KHDRBS2: variants seen among roughly 807,000 people sequenced by gnomAD.
The protein encoded by KHDRBS2 is KH domain-containing, RNA-binding, signal transduction-associated protein 2.
KHDRBS2 carries 26 observed loss-of-function variants against 44.3 expected under a neutral mutation model. The observed-to-expected ratio is 0.59, with a 90% CI of 0.43 to 0.81. The LOEUF (loss-of-function observed/expected upper bound fraction) is 0.81. KHDRBS2 is among the 40% of genes least tolerant of loss of function. The probability of loss-of-function intolerance (pLI) is 0.00; values close to 1 mark genes in which losing one functional copy is unlikely to be tolerated. For synonymous variants in KHDRBS2, 194 were observed against 151.1 expected, an observed-to-expected ratio of 1.28 and a Z score of -2.08; for missense variants, 476 against 433.1, an observed-to-expected ratio of 1.10 and a Z score of -0.88.
At chr6:61,771,559 T>G (rs1780912757) in intron 6 of KHDRBS2, among the ~76,000 whole-genome samples, 1 of 152,054 alleles carries the variant, frequency 6.6e-6, no homozygotes, top group African/African-American at 2.4e-5. Context: ...AAAACAGACT[T>G]TAAACCACCA....
intron 1 of KHDRBS2, among the ~76,000 whole-genome samples, chr6:62,275,165 TC>T (rs1378570120): frequency 3.3e-5 from 5 of 152,180 alleles, no homozygotes; most frequent in Non-Finnish European, 7.3e-5. Context: ...TAACAGATTT[TC>T]CCTATGTAGA....
chr6:61,985,951 T>C (rs983966871), intron 3 of KHDRBS2, among the ~76,000 whole-genome samples: 4 of 152,196 alleles, frequency 2.6e-5, no homozygotes, highest in African/African-American at 9.6e-5. Context: ...TATGTACATA[T>C]GTAATTTAAT....
chr6:61,566,531 C>G, the KHDRBS2 span, among the ~76,000 whole-genome samples: 1 of 152,084 alleles, frequency 6.6e-6, no homozygotes, highest in South Asian at 2.1e-4. Flanking sequence ...ATTATGTAAT[C>G]ATGATGTAAT....
At chr6:62,077,641 C>A (rs1427610732) in intron 2 of KHDRBS2, among the ~76,000 whole-genome samples, 3 of 151,966 alleles carry the variant, frequency 2.0e-5, no homozygotes, top group Non-Finnish European at 4.4e-5. Context: ...GGTGCCACCC[C>A]TTGGAGAAAA....
chr6:61,645,324 T>C, the KHDRBS2 span, among the ~76,000 whole-genome samples: 13 of 150,418 alleles, frequency 8.6e-5, no homozygotes, highest in South Asian at 2.7e-3. Flanking sequence ...AGGGTGGGGG[T>C]TGGGAGAAGG....
intron 4 of KHDRBS2, 58 bp from the exon 5 acceptor site, chr6:61,901,429 G>GAA (rs202202725): frequency 2.4e-3 from 2,357 of 985,246 alleles, no homozygotes; most frequent in South Asian, 6.5e-3. Flanking sequence ...CTCAGAGTTG[G>GAA]AAAAAAAAAA....
At chr6:62,053,294 A>G (rs1348159599) in intron 2 of KHDRBS2, among the ~76,000 whole-genome samples, 1 of 151,986 alleles carries the variant, frequency 6.6e-6, no homozygotes, top group Non-Finnish European at 1.5e-5. Flanking sequence ...GCAGGAGAAT[A>G]TAACCTTCAT....
chr6:61,675,369 T>C (rs528985238), downstream of KHDRBS2, among the ~76,000 whole-genome samples: 27 of 151,870 alleles, frequency 1.8e-4, no homozygotes, highest in African/African-American at 6.0e-4. Context: ...GCTTCAACTG[T>C]TATTAAGCTA....
intron 4 of KHDRBS2, among the ~76,000 whole-genome samples, chr6:61,951,715 T>C (rs1354711838): frequency 1.3e-5 from 2 of 152,100 alleles, no homozygotes; most frequent in East Asian, 3.9e-4. Flanking sequence ...GAGCCACTGA[T>C]CTTGGGTTAG....
chr6:62,152,038 G>A (rs1008069239), intron 2 of KHDRBS2, among the ~76,000 whole-genome samples: 1 of 152,094 alleles, frequency 6.6e-6, no homozygotes, highest in Admixed American at 6.6e-5. Context: ...AGTGCTTACT[G>A]GCTGGGCACA....
At chr6:62,045,421 T>C (rs1787463260) in intron 3 of KHDRBS2, among the ~76,000 whole-genome samples, 5 of 152,072 alleles carry the variant, frequency 3.3e-5, no homozygotes, top group Admixed American at 3.3e-4. Flanking sequence ...TTCTTTCTAC[T>C]TGATCACTGT....
At chr6:61,685,289 T>A (rs1198010780) in intron 8 of KHDRBS2, among the ~76,000 whole-genome samples, 1 of 151,838 alleles carries the variant, frequency 6.6e-6, no homozygotes, top group Admixed American at 6.6e-5. Context: ...TTATTTTGTA[T>A]TATCTGGCCT....
intron 2 of KHDRBS2, among the ~76,000 whole-genome samples, chr6:62,117,787 T>C (rs1261047554): frequency 6.6e-6 from 1 of 152,160 alleles, no homozygotes. Context: ...TATTTTATTT[T>C]TTTTTTGAGA....
At chr6:62,015,902 C>T (rs1781122255) in intron 3 of KHDRBS2, among the ~76,000 whole-genome samples, 1 of 152,112 alleles carries the variant, frequency 6.6e-6, no homozygotes, top group Non-Finnish European at 1.5e-5. Context: ...CCTTCCTGCT[C>T]TGATAATTTC....
the KHDRBS2 span, among the ~76,000 whole-genome samples, chr6:61,615,810 T>C: frequency 1.3e-5 from 2 of 152,184 alleles, no homozygotes; most frequent in East Asian, 1.9e-4. Flanking sequence ...AAAACACTTC[T>C]AGGCCAAGCA....
At chr6:62,093,757 T>A (rs1465265895) in intron 2 of KHDRBS2, among the ~76,000 whole-genome samples, 2 of 151,798 alleles carry the variant, frequency 1.3e-5, no homozygotes, top group Non-Finnish European at 1.5e-5. Flanking sequence ...CTTTCTGTGC[T>A]TGCCTTATTT....
At chr6:61,744,258 A>G (rs921447238) in intron 6 of KHDRBS2, among the ~76,000 whole-genome samples, 3 of 152,076 alleles carry the variant, frequency 2.0e-5, no homozygotes, top group Non-Finnish European at 2.9e-5. Context: ...AGGCCTTCAT[A>G]TTGGCTTGCC....
chr6:61,573,967 G>A, the KHDRBS2 span, among the ~76,000 whole-genome samples: 2 of 151,692 alleles, frequency 1.3e-5, no homozygotes, highest in Admixed American at 1.3e-4. Context: ...CAATAGAGAA[G>A]CCAGAAATGA....
chr6:62,025,578 T>G (rs1783153702), intron 3 of KHDRBS2, among the ~76,000 whole-genome samples: 1 of 151,962 alleles, frequency 6.6e-6, no homozygotes, highest in Non-Finnish European at 1.5e-5. Context: ...CACATAATAA[T>G]TTACAATAAT....
Sources: allele counts gnomAD v4.1 joint callset (sites outside exome capture counted in the v4.1 genomes callset), GRCh38; gene constraint gnomAD v4.1.1; transcripts MANE v1.5; gene names NCBI Gene and HGNC (gene_info 2026-07-23, HGNC 2026-07-21).